Variants in BRINP2 observed in about 807,000 individuals in gnomAD.
The protein encoded by BRINP2 is BMP/retinoic acid-inducible neural-specific protein 2.
A neutral mutation model predicts 69.2 loss-of-function variants in BRINP2; 21 were observed. That is an observed-to-expected ratio of 0.30 (90% CI 0.22 to 0.44). The LOEUF is 0.44. BRINP2 is among the 20% of genes least tolerant of loss of function. The probability of loss-of-function intolerance (pLI) is 1.00; values close to 1 mark genes in which losing one functional copy is unlikely to be tolerated. For synonymous variants in BRINP2, 380 were observed against 394.1 expected, an observed-to-expected ratio of 0.96 and a Z score of 0.42; for missense variants, 877 against 986.0, an observed-to-expected ratio of 0.89 and a Z score of 1.48.
At chr1:177,211,489 T>A (rs1402377642) in intron 1 of BRINP2, among the ~76,000 whole-genome samples, 1 of 152,212 alleles carries the variant, frequency 6.6e-6, no homozygotes, top group Non-Finnish European at 1.5e-5. Flanking sequence ...AATTTGTTCC[T>A]CCGTCCTACT....
intron 4 of BRINP2, among the ~76,000 whole-genome samples, chr1:177,261,108 G>A (rs1255874261): frequency 6.6e-6 from 1 of 152,090 alleles, no homozygotes; most frequent in African/African-American, 2.4e-5. Flanking sequence ...AGGTACAAGT[G>A]CCCTAAAGTG....
At chr1:177,265,572 A>G (rs1025328639) in intron 4 of BRINP2, among the ~76,000 whole-genome samples, 1 of 152,136 alleles carries the variant, frequency 6.6e-6, no homozygotes, top group African/African-American at 2.4e-5. Flanking sequence ...ATTGTATCAT[A>G]TTGCTCCCTG....
At position 177,257,168 on chromosome 1, in the gene BRINP2, C is replaced by T; in HGVS notation, c.461-8C>T. The stretch of plus-strand genomic sequence containing the variant: ...GCGTCACCAATACACTCGTGTTGTT[C>T]ACCATAGGAGAAGAGTCCCTGACCA... On this transcript the variant is annotated splice_polypyrimidine_tract_variant and splice_region_variant and intron_variant, in intron 3 of 7. Coordinates refer to ENST00000361539, the MANE Select transcript of BRINP2 (RefSeq NM_021165.4). 1 of 1,613,764 alleles carries T rather than the reference C, an allele frequency of 6.2e-7. No individual in the cohort carries two copies. The highest frequency in any genetic ancestry group is 8.5e-7 in the Non-Finnish European group (1 of 1,179,878).
chr1:177,271,386 C>T (rs1026239850), intron 4 of BRINP2, among the ~76,000 whole-genome samples: 3 of 152,134 alleles, frequency 2.0e-5, no homozygotes, highest in Non-Finnish European at 2.9e-5. Context: ...GTTTAGAATA[C>T]TTGTGTTTGA....
At position 177,220,971 on chromosome 1, in the gene BRINP2, G is replaced by T. The variant is rs544196249; in HGVS notation, c.-76-8830G>T. On this transcript the variant is annotated intron_variant, in intron 1 of 7. Transcript: ENST00000361539. Reference sequence around the variant, plus strand: ...CAGCATGCTTATCTAAGCTGGAAAAGTGATTGTAGGTGAATCCTGCTTGTG... The same window carrying T: ...CAGCATGCTTATCTAAGCTGGAAAATTGATTGTAGGTGAATCCTGCTTGTG... 5.9e-5 allele frequency among the ~76,000 whole-genome samples: 9 copies of T among 152,330 alleles called. No individual in the cohort carries two copies. The South Asian group carries it at 1.9e-3, about 32-fold the overall frequency.
intron 1 of BRINP2, among the ~76,000 whole-genome samples, chr1:177,174,402 G>C (rs1360381987): frequency 6.6e-6 from 1 of 152,246 alleles, no homozygotes; most frequent in Non-Finnish European, 1.5e-5. Flanking sequence ...ATAGGCCTTT[G>C]CCCTTGCCTT....
At chr1:177,262,611 G>C (rs376843095) in intron 4 of BRINP2, among the ~76,000 whole-genome samples, 18 of 152,086 alleles carry the variant, frequency 1.2e-4, no homozygotes, top group African/African-American at 3.9e-4. Flanking sequence ...CCAGGAACTT[G>C]AGTGCTTCAT....
At chr1:177,243,308 A>C (rs1334526802) in intron 2 of BRINP2, among the ~76,000 whole-genome samples, 1 of 152,210 alleles carries the variant, frequency 6.6e-6, no homozygotes, top group Non-Finnish European at 1.5e-5. Context: ...CTGTAGCTTG[A>C]GTTAATCTAG....
At chr1:177,243,210 A>T (rs1042005651) in intron 2 of BRINP2, among the ~76,000 whole-genome samples, 1 of 152,210 alleles carries the variant, frequency 6.6e-6, no homozygotes, top group Non-Finnish European at 1.5e-5. Context: ...AAGAATAGGT[A>T]GTCTTACTCT....
At chr1:177,206,741 G>T (rs1649080213) in intron 1 of BRINP2, among the ~76,000 whole-genome samples, 1 of 152,146 alleles carries the variant, frequency 6.6e-6, no homozygotes, top group African/African-American at 2.4e-5. Context: ...ACTAGGACAT[G>T]TGCTGACTTA....
chr1:177,219,412 C>T (rs888967721), intron 1 of BRINP2, among the ~76,000 whole-genome samples: 1 of 152,222 alleles, frequency 6.6e-6, no homozygotes, highest in Admixed American at 6.5e-5. Flanking sequence ...CAAAAAGGTA[C>T]AATGATTCTT....
intron 2 of BRINP2, among the ~76,000 whole-genome samples, chr1:177,231,579 G>A (rs1483422019): frequency 6.6e-6 from 1 of 152,172 alleles, no homozygotes; most frequent in Non-Finnish European, 1.5e-5. Flanking sequence ...TGAGGGGCTG[G>A]TACTTTGTGG....
chr1:177,230,128 C>A lies in BRINP2; in HGVS notation c.252C>A (p.Thr84=). 1 of 1,610,222 alleles carries A rather than the reference C, an allele frequency of 6.2e-7. No homozygotes were observed. ...FMERYRQGFT[T]RYRIYREFAR... is the part of the protein sequence containing the mutation. ...AGCGGTACCGCCAGGGTTTCACCAC[C>A]AGGTACAGGATTTATAGGTAAGTGG... Residue 84 remains threonine (T), a synonymous_variant, in exon 2 of 8, where the codon ACC becomes ACA. Transcript: ENST00000361539.
intron 2 of BRINP2, among the ~76,000 whole-genome samples, chr1:177,244,691 G>T (rs368192509): frequency 6.6e-6 from 1 of 151,912 alleles, no homozygotes; most frequent in African/African-American, 2.4e-5. Flanking sequence ...AGGTTCGCCG[G>T]GTTAGCTTTG....
intron 4 of BRINP2, among the ~76,000 whole-genome samples, chr1:177,263,119 G>A (rs376449873): frequency 4.2e-4 from 64 of 152,194 alleles, no homozygotes; most frequent in African/African-American, 1.5e-3. Context: ...ATGAAAAGAA[G>A]CCTTTGAGGA....
At chr1:177,226,413 A>G (rs1259477279) in intron 1 of BRINP2, among the ~76,000 whole-genome samples, 1 of 152,158 alleles carries the variant, frequency 6.6e-6, no homozygotes, top group African/African-American at 2.4e-5. Context: ...TCTGCTCAAG[A>G]AATTGCCACA....
intron 1 of BRINP2, among the ~76,000 whole-genome samples, chr1:177,214,365 G>A (rs970973072): frequency 3.3e-5 from 5 of 152,014 alleles, no homozygotes; most frequent in Admixed American, 1.3e-4. Context: ...CCTGGGAGGC[G>A]GAGGTTGCAG....
At chr1:177,264,936 C>T (rs1017063256) in intron 4 of BRINP2, among the ~76,000 whole-genome samples, 5 of 152,158 alleles carry the variant, frequency 3.3e-5, no homozygotes, top group African/African-American at 1.2e-4. Context: ...ACTTTCTTCA[C>T]AGAGTTAGAA....
intron 1 of BRINP2, among the ~76,000 whole-genome samples, chr1:177,190,000 G>A (rs754565075): frequency 6.6e-6 from 1 of 152,166 alleles, no homozygotes; most frequent in Non-Finnish European, 1.5e-5. Context: ...AGTTTCAACT[G>A]AACGGAAATT....
Sources: gnomAD v4.1 joint callset for allele counts (sites outside exome capture counted in the v4.1 genomes callset) on GRCh38, gnomAD v4.1.1 for gene constraint, MANE v1.5 for transcripts, NCBI Gene and HGNC (gene_info 2026-07-23, HGNC 2026-07-21) for gene names.